PRKD2: variants seen among roughly 807,000 people sequenced by gnomAD.
PRKD2 encodes protein kinase D2, also known as serine/threonine-protein kinase D2.
PRKD2 carries 22 observed loss-of-function variants against 86.0 expected under a neutral mutation model. The ratio of observed to expected loss-of-function variants is 0.26; its 90% CI spans 0.18 to 0.37. The LOEUF (loss-of-function observed/expected upper bound fraction) is 0.37, where lower values mean the gene tolerates loss of function less well. Ranked by LOEUF, PRKD2 falls within the 10% of genes least tolerant of loss-of-function variation. The pLI is 1.00. For missense variants in PRKD2, 818 were observed against 1,199.2 expected, an observed-to-expected ratio of 0.68 and a Z score of 4.70; for synonymous variants, 509 against 510.9, an observed-to-expected ratio of 1.00 and a Z score of 0.05.
intron 15 of PRKD2, among the ~76,000 whole-genome samples, chr19:46,680,161 AACCCCTG>A (rs1484998879): frequency 6.6e-6 from 1 of 152,124 alleles, no homozygotes; most frequent in African/African-American, 2.4e-5. Context: ...GCCACGCCTC[AACCCCTG>A]ACCTGAATCT....
intron 3 of PRKD2, among the ~76,000 whole-genome samples, chr19:46,705,186 C>A (rs1395158745): frequency 6.6e-6 from 1 of 152,004 alleles, no homozygotes; most frequent in Non-Finnish European, 1.5e-5. Flanking sequence ...ATGGATGCCT[C>A]AAAAGTCCCC....
At chr19:46,702,780 T>C (rs1176079864) in intron 5 of PRKD2, among the ~76,000 whole-genome samples, 1 of 152,044 alleles carries the variant, frequency 6.6e-6, no homozygotes, top group Non-Finnish European at 1.5e-5. Context: ...CTCAACCTCC[T>C]GGGCTCAAGC....
At chr19:46,687,324 C>T (rs1234939058) in intron 14 of PRKD2, among the ~76,000 whole-genome samples, 1 of 151,936 alleles carries the variant, frequency 6.6e-6, no homozygotes, top group Non-Finnish European at 1.5e-5. Flanking sequence ...CCCGGGAGGT[C>T]AAGGCTGCAG....
chr19:46,674,824 A>T, intron 17 of PRKD2, 89 bp from the exon 18 acceptor site: 3 of 1,399,536 alleles, frequency 2.1e-6, no homozygotes, highest in South Asian at 2.7e-5. Context: ...GCTGGGTACC[A>T]ATGAAGGTGA....
In PRKD2 at chr19:46,694,013, C is replaced by T. The variant is rs760413562; in HGVS notation, c.1438G>A (p.Glu480Lys). The change falls in exon 10 of 18, where the codon GAG becomes AAG. Residue 480 changes from glutamate to lysine, a missense_variant. By Grantham distance (56) the Glu-to-Lys change is moderately conservative. Around this residue, in one of 5 missense-constraint regions of PRKD2, gnomAD observed 127 missense variants for 157.8 expected, o/e 0.80. Coordinates refer to ENST00000291281, the MANE Select transcript of PRKD2 (RefSeq NM_016457.5). ...VTANATYFVG[E>K]MPGGTPGGPS... is the part of the protein sequence containing the mutation. ...CCACCCGGAGTCCCGCCAGGCATCT[C>T]GCCCACGAAGTAGGTGGCATTGGCA... 15 of 1,613,938 alleles carry T rather than the reference C, an allele frequency of 9.3e-6. No homozygotes were observed. The highest frequency in any genetic ancestry group is 1.1e-5 in the Non-Finnish European group (13 of 1,180,052).
In PRKD2 at chr19:46,704,314, G is replaced by A. The variant is rs763385627; in HGVS notation, c.744C>T (p.Gly248=). Residue 248 remains glycine (G), a synonymous_variant, in exon 5 of 18, where the codon GGC becomes GGT. Coordinates refer to ENST00000291281, the MANE Select transcript of PRKD2 (RefSeq NM_016457.5). ...SSSSSASSYT[G]RPIELDKMLL... The stretch of plus-strand genomic sequence containing the variant: ...GCATCTTGTCCAGCTCAATGGGGCG[G>A]CCCGTATACGATGAGGCAGAAGAGG... The A allele has an allele frequency of 6.2e-7, 1 of 1,614,224 alleles. No individual in the cohort carries two copies. Among genetic ancestry groups the A allele is most frequent in the Non-Finnish European group, 8.5e-7 (1 of 1,180,040 alleles).
intron 8 of PRKD2, 145 bp downstream of exon 8, chr19:46,697,588 G>T: frequency 1.4e-6 from 1 of 702,316 alleles, no homozygotes; most frequent in Non-Finnish European, 2.4e-6. Flanking sequence ...TCTAATTCTA[G>T]CCCCGCCTCC....
intron 16 of PRKD2, among the ~76,000 whole-genome samples, chr19:46,677,830 C>T (rs546376007): frequency 1.3e-5 from 2 of 152,302 alleles, no homozygotes; most frequent in African/African-American, 4.8e-5. Context: ...AAACCCTCCA[C>T]GGCCACGTCC....
At chr19:46,714,320 T>C in intron 1 of PRKD2, 2 of 1,122,836 alleles carry the variant, frequency 1.8e-6, no homozygotes, top group Admixed American at 4.3e-5. Flanking sequence ...GGATGCTGAA[T>C]GAACACTCCC....
chr19:46,689,825 G>A, intron 13 of PRKD2, 127 bp from the exon 14 acceptor site: 2 of 1,114,272 alleles, frequency 1.8e-6, no homozygotes, highest in Admixed American at 2.2e-5. Flanking sequence ...CACTTGGAGA[G>A]GGAAGGGGGC....
intron 8 of PRKD2, chr19:46,697,463 A>G (rs1247713738): frequency 4.0e-6 from 2 of 502,084 alleles, no homozygotes; most frequent in Non-Finnish European, 6.8e-6. Flanking sequence ...GCCCCCACTT[A>G]GCCCTCTTCC....
At chr19:46,683,494 G>A (rs1410771770) in intron 14 of PRKD2, among the ~76,000 whole-genome samples, 1 of 152,138 alleles carries the variant, frequency 6.6e-6, no homozygotes, top group Non-Finnish European at 1.5e-5. Flanking sequence ...GGCTGAGGCA[G>A]GTGGATCACC....
rs1346223115 is a variant in PRKD2 at position 46,681,754 on chromosome 19, G to A, written c.1972-6C>T. On this transcript the variant is annotated splice_region_variant and splice_polypyrimidine_tract_variant and intron_variant, in intron 14 of 17. Coordinates refer to ENST00000291281, the MANE Select transcript of PRKD2 (RefSeq NM_016457.5). ...TGTCTCAAAGCCACCAGGATCTGAG[G>A]GGAGCAGATGGGCCCAGTAAGAAAG... 1 of 1,584,912 alleles carries A rather than the reference G, an allele frequency of 6.3e-7. No individual in the cohort carries two copies. Among genetic ancestry groups the A allele is most frequent in the Admixed American group, 1.7e-5 (1 of 59,926 alleles).
At chr19:46,714,477 TG>T (rs567281554) in intron 1 of PRKD2, 627 of 40,890 alleles carry the variant, frequency 0.015, 79 homozygotes, top group East Asian at 0.046. Context: ...CCTGGGAAAG[TG>T]GGGGGGGGGG....
intron 3 of PRKD2, among the ~76,000 whole-genome samples, chr19:46,708,479 G>A (rs1169490860): frequency 6.6e-6 from 1 of 151,808 alleles, no homozygotes; most frequent in East Asian, 1.9e-4. Context: ...CACCATGCCT[G>A]GCCAATTTGT....
At chr19:46,708,294 A>G (rs964619603) in intron 3 of PRKD2, among the ~76,000 whole-genome samples, 2 of 148,022 alleles carry the variant, frequency 1.4e-5, no homozygotes, top group Admixed American at 1.4e-4. Flanking sequence ...CTGTAATCCA[A>G]TGGGACTGGT....
chr19:46,688,533 C>T (rs2053434721), intron 14 of PRKD2, among the ~76,000 whole-genome samples: 1 of 150,878 alleles, frequency 6.6e-6, no homozygotes, highest in African/African-American at 2.4e-5. Flanking sequence ...GCCTCCTGGG[C>T]TCAAGGGATT....
At chr19:46,711,268 G>A (rs1292281132) in intron 2 of PRKD2, among the ~76,000 whole-genome samples, 2 of 152,216 alleles carry the variant, frequency 1.3e-5, no homozygotes, top group East Asian at 1.9e-4. Context: ...GAATTGGGGA[G>A]TTGTTTAACG....
intron 15 of PRKD2, among the ~76,000 whole-genome samples, chr19:46,680,946 A>ATATACATATATATATATTTTT: frequency 2.1e-5 from 1 of 48,258 alleles, no homozygotes; most frequent in Non-Finnish European, 4.0e-5. Context: ...ATATATATAT[A>ATATACATATATATATATTTTT]TTTTTTTTTT....
Sources: gnomAD v4.1 joint callset for allele counts (sites outside exome capture counted in the v4.1 genomes callset) on GRCh38, gnomAD v4.1.1 for gene constraint, gnomAD v4.1.1 regional missense constraint, MANE v1.5 for transcripts, NCBI Gene and HGNC (gene_info 2026-07-23, HGNC 2026-07-21) for gene names.